Variants in GRHL2 observed in about 807,000 individuals in gnomAD.
The protein encoded by GRHL2 is grainyhead like transcription factor 2, also known as grainyhead-like protein 2 homolog.
Under a neutral mutation model 83.8 loss-of-function variants are expected in GRHL2, and 21 were observed. The observed-to-expected ratio is 0.25, with a 90% CI of 0.18 to 0.36. GRHL2 has a LOEUF of 0.36. Ranked by LOEUF, GRHL2 falls within the 10% of genes least tolerant of loss-of-function variation. The pLI, the probability that GRHL2 is intolerant of heterozygous loss-of-function variation, is 1.00. For missense variants in GRHL2, 623 were observed against 781.8 expected, an observed-to-expected ratio of 0.80 and a Z score of 2.42; for synonymous variants, 280 against 278.9, an observed-to-expected ratio of 1.00 and a Z score of -0.04.
chr8:101,623,269 C>A (rs1812999525), intron 9 of GRHL2, among the ~76,000 whole-genome samples: 1 of 152,372 alleles, frequency 6.6e-6, no homozygotes, highest in Non-Finnish European at 1.5e-5. Context: ...ATCACAGCAG[C>A]ACAGCAATCA....
chr8:101,505,470 G>T (rs554786785), intron 1 of GRHL2, among the ~76,000 whole-genome samples: 1 of 151,392 alleles, frequency 6.6e-6, no homozygotes, highest in Non-Finnish European at 1.5e-5. Context: ...CCAGCTACTC[G>T]GGAGGCTGAG....
At chr8:101,509,952 G>T (rs946691558) in intron 1 of GRHL2, among the ~76,000 whole-genome samples, 1 of 152,020 alleles carries the variant, frequency 6.6e-6, no homozygotes, top group African/African-American at 2.4e-5. Flanking sequence ...TAAATGAAGG[G>T]TAATCTTTAA....
At chr8:101,674,464 T>C (rs1490190998), downstream of GRHL2, among the ~76,000 whole-genome samples, 3 of 152,008 alleles carry the variant, frequency 2.0e-5, no homozygotes, top group African/African-American at 7.3e-5. Flanking sequence ...CTAGAAGAAA[T>C]GGATAAATTC....
intron 1 of GRHL2, among the ~76,000 whole-genome samples, chr8:101,525,227 G>A (rs776624429): frequency 6.6e-6 from 1 of 152,290 alleles, no homozygotes; most frequent in East Asian, 1.9e-4. Context: ...ACAGGTGTGA[G>A]CCACTGTGCC....
intron 1 of GRHL2, among the ~76,000 whole-genome samples, chr8:101,498,984 A>G (rs1332462250): frequency 2.0e-5 from 3 of 151,732 alleles, no homozygotes; most frequent in African/African-American, 4.8e-5. Context: ...CTGAGGTGGG[A>G]GAATGGCGTG....
At chr8:101,515,553 G>A (rs995110606) in intron 1 of GRHL2, among the ~76,000 whole-genome samples, 18 of 152,318 alleles carry the variant, frequency 1.2e-4, no homozygotes, top group African/African-American at 4.1e-4. Context: ...GCTGGGCACT[G>A]CATTTTCATG....
Position 101,666,592 on chromosome 8 carries a change from C to G in GRHL2, c.1767C>G (p.Ile589Met). 6.3e-7 allele frequency: 1 copy of G among 1,595,430 alleles called. No individual in the cohort carries two copies. The highest frequency in any genetic ancestry group is 2.2e-5 in the East Asian group (1 of 44,756). Residue 589 changes from isoleucine to methionine, a missense_variant, in exon 16 of 16, where the codon ATC becomes ATG. Ile to Met is a conservative substitution (Grantham distance 10, BLOSUM62 1). Coordinates refer to ENST00000646743, the MANE Select transcript of GRHL2 (RefSeq NM_024915.4). ...AKLYKKSKKG[I>M]LVNMDDNIIE... ...ACCCCTCCCCCCTCCATGGCAGCAT[C>G]TTGGTGAACATGGATGACAACATCA...
At chr8:101,607,912 A>G (rs1354505801) in intron 8 of GRHL2, among the ~76,000 whole-genome samples, 1 of 152,240 alleles carries the variant, frequency 6.6e-6, no homozygotes, top group East Asian at 1.9e-4. Context: ...CATCTCACCA[A>G]AGGTATCAAT....
Position 101,592,100 on chromosome 8 carries a change from C to CTTTTTTTTTTTTTTTTTT in GRHL2, c.1004-6952_1004-6935dup, listed in dbSNP as rs11382067. On this transcript the variant is annotated intron_variant, in intron 7 of 15. Transcript: ENST00000646743. ...GTACAGCACTTTCTTTCTTTCTTTT[C>CTTTTTTTTTTTTTTTTTT]TTTTTTTTTTTTTTTTTTTTTTGAG... is the stretch of plus-strand genomic sequence containing the variant. Among the ~76,000 whole-genome samples, 111 of 90,290 alleles carry CTTTTTTTTTTTTTTTTTT rather than the reference C, an allele frequency of 1.2e-3. 1 individual carries two copies. The highest frequency in any genetic ancestry group is 1.7e-3 in the South Asian group (4 of 2,304). The allele number at this position is 90,290 out of a possible 152,430, so 59.2% of individuals were successfully genotyped here.
At chr8:101,649,184 C>T (rs577566533) in intron 13 of GRHL2, among the ~76,000 whole-genome samples, 50 of 152,292 alleles carry the variant, frequency 3.3e-4, no homozygotes, top group Admixed American at 2.4e-3. Flanking sequence ...ATCCTACGGC[C>T]GGGTTGTCGG....
intron 8 of GRHL2, among the ~76,000 whole-genome samples, chr8:101,604,019 C>CA (rs541635465): frequency 0.029 from 2,650 of 91,682 alleles, 148 homozygotes; most frequent in East Asian, 0.16. Context: ...TTTTTTTTTG[C>CA]AAAAAAAAAA....
intron 1 of GRHL2, among the ~76,000 whole-genome samples, chr8:101,520,371 A>G (rs1245138949): frequency 1.3e-5 from 2 of 152,236 alleles, no homozygotes; most frequent in African/African-American, 2.4e-5. Context: ...GCAGAAAATA[A>G]TGACTGCCTT....
intron 1 of GRHL2, among the ~76,000 whole-genome samples, chr8:101,526,823 C>T (rs1810816425): frequency 6.6e-6 from 1 of 152,236 alleles, no homozygotes; most frequent in African/African-American, 2.4e-5. Context: ...GTACTTCCTG[C>T]TTTGTCACAC....
chr8:101,654,945 G>A (rs1240226137), intron 14 of GRHL2, among the ~76,000 whole-genome samples: 1 of 152,198 alleles, frequency 6.6e-6, no homozygotes, highest in Non-Finnish European at 1.5e-5. Context: ...CACTTTGGGA[G>A]GTTGAGGCGG....
At chr8:101,612,552 C>T (rs965817241) in intron 8 of GRHL2, among the ~76,000 whole-genome samples, 1 of 146,140 alleles carries the variant, frequency 6.8e-6, no homozygotes, top group Non-Finnish European at 1.5e-5. Context: ...TACATACATA[C>T]ATAGATATTG....
chr8:101,497,510 T>A (rs1484252466), intron 1 of GRHL2, among the ~76,000 whole-genome samples: 3 of 152,252 alleles, frequency 2.0e-5, no homozygotes, highest in Admixed American at 1.3e-4. Context: ...AAACAAGTTG[T>A]AGATGATGCA....
intron 4 of GRHL2, among the ~76,000 whole-genome samples, chr8:101,563,709 A>ATTTTTTT (rs58383029): frequency 6.8e-6 from 1 of 147,088 alleles, no homozygotes; most frequent in African/African-American, 2.5e-5. Flanking sequence ...TAGCAAACTT[A>ATTTTTTT]TTTTTTTTTT....
intron 3 of GRHL2, among the ~76,000 whole-genome samples, chr8:101,557,504 G>T (rs531207408): frequency 6.6e-6 from 1 of 151,918 alleles, no homozygotes; most frequent in Non-Finnish European, 1.5e-5. Flanking sequence ...GATTACAGGC[G>T]TGAGTCACCG....
At chr8:101,623,908 G>A (rs1813018190) in intron 9 of GRHL2, among the ~76,000 whole-genome samples, 1 of 143,790 alleles carries the variant, frequency 7.0e-6, no homozygotes, top group Admixed American at 7.0e-5. Flanking sequence ...GTACACAGTA[G>A]GACAGTACAC....
Sources: gnomAD v4.1 joint callset for allele counts (sites outside exome capture counted in the v4.1 genomes callset) on GRCh38, gnomAD v4.1.1 for gene constraint, MANE v1.5 for transcripts, NCBI Gene and HGNC (gene_info 2026-07-23, HGNC 2026-07-21) for gene names.